The following DENND2D variants were observed in gnomAD, a reference collection of about 807,000 sequenced individuals.
DENND2D encodes the protein DENN domain-containing protein 2D.
In DENND2D, 37 loss-of-function variants were observed where a neutral mutation model predicts 59.8. The ratio of observed to expected loss-of-function variants is 0.62; its 90% CI spans 0.48 to 0.81. The LOEUF is 0.81. DENND2D is among the 40% of genes least tolerant of loss of function. The pLI is 0.00. For missense variants in DENND2D, 525 were observed against 579.7 expected, an observed-to-expected ratio of 0.91 and a Z score of 0.97; for synonymous variants, 219 against 211.3, an observed-to-expected ratio of 1.04 and a Z score of -0.31.
intron 2 of DENND2D, 57 bp from the exon 3 acceptor site, chr1:111,198,799 G>A: frequency 1.3e-6 from 2 of 1,576,272 alleles, no homozygotes; most frequent in Non-Finnish European, 1.7e-6. Flanking sequence ...GATAGCAGGA[G>A]ACAGCTTCAG....
intron 1 of DENND2D, 191 bp downstream of exon 1, chr1:111,200,202 C>T: frequency 2.9e-6 from 2 of 688,180 alleles, no homozygotes; most frequent in Non-Finnish European, 4.9e-6. Context: ...GTGACTGTGA[C>T]CACACTAGCC....
chr1:111,199,150 A>G (rs1359321747), intron 2 of DENND2D, among the ~76,000 whole-genome samples: 1 of 152,220 alleles, frequency 6.6e-6, no homozygotes, highest in African/African-American at 2.4e-5. Flanking sequence ...AAGGCTTCCC[A>G]ACCCTCTACC....
At chr1:111,203,632 G>A (rs185152779), upstream of DENND2D, among the ~76,000 whole-genome samples, 17 of 152,352 alleles carry the variant, frequency 1.1e-4, no homozygotes, top group East Asian at 3.1e-3. Flanking sequence ...CTGGACGGGG[G>A]AATTATGTCC....
upstream of DENND2D, chr1:111,204,103 CACCTGACCCTCTT>C: frequency 2.2e-6 from 1 of 448,352 alleles, no homozygotes; most frequent in South Asian, 4.9e-5. Context: ...TCCCCGCCCC[CACCTGACCCTCTT>C]CCCCTCTCCG....
upstream of DENND2D, among the ~76,000 whole-genome samples, chr1:111,201,547 T>C (rs1658801790): frequency 6.6e-6 from 1 of 152,222 alleles, no homozygotes; most frequent in African/African-American, 2.4e-5. Context: ...CCCACTGCTG[T>C]GTCTGGAGAC....
rs1231071963 is a variant in DENND2D, at chr1:111,192,275, G to A, written c.837C>T (p.Tyr279=). 1.2e-6 allele frequency: 2 copies of A among 1,613,180 alleles called. No homozygotes were observed. Among genetic ancestry groups the A allele is most frequent in the South Asian group, 2.2e-5 (2 of 90,976 alleles). ...QCIHAAAALL[Y]PFSWAHTYIP... ...TGTAGGTGTGCGCCCAGCTGAAGGG[G>A]TAGAGCAGTGCGGCAGCAGCATGGA... is the stretch of plus-strand genomic sequence containing the variant. Residue 279 remains tyrosine (Y), a synonymous_variant, in exon 8 of 12, where the codon TAC becomes TAT. Transcript: ENST00000357640.
chr1:111,195,725 T>G (rs1658164963), intron 6 of DENND2D, 191 bp downstream of exon 6: 2 of 701,816 alleles, frequency 2.8e-6, no homozygotes, highest in Non-Finnish European at 4.7e-6. Flanking sequence ...TAGGTGCTTG[T>G]GGGTATCAAG....
chr1:111,187,417 A>G lies in DENND2D; in HGVS notation c.*188T>C, dbSNP rs541563234. 1 of 598,596 alleles carries G rather than the reference A, an allele frequency of 1.7e-6. No individual in the cohort carries two copies. Among genetic ancestry groups the G allele is most frequent in the Non-Finnish European group, 3.0e-6 (1 of 335,248 alleles). 37.1% of individuals were successfully genotyped at this position (598,596 alleles called of 1,614,324 possible). A position where few individuals can be genotyped will look rare whatever the true frequency, so the allele number is the denominator to read the frequency against. ...TGTGAGCATGGTGTCAGAGCCCTCC[A>G]AAGTCCTGAGAAATCAATACCAGGG... On this transcript the variant is annotated 3_prime_UTR_variant, in exon 12 of 12. Transcript: ENST00000357640.
chr1:111,190,005 A>C (rs1193736473), intron 8 of DENND2D, among the ~76,000 whole-genome samples: 1 of 151,884 alleles, frequency 6.6e-6, no homozygotes, highest in Non-Finnish European at 1.5e-5. Context: ...TCTACTAAAA[A>C]CGCAAAAAAT....
chr1:111,197,257 G>T lies in DENND2D; in HGVS notation c.427-4C>A. The T allele has an allele frequency of 6.2e-7, 1 of 1,610,990 alleles. No individual in the cohort carries two copies. Among genetic ancestry groups the T allele is most frequent in the Non-Finnish European group, 8.5e-7 (1 of 1,178,992 alleles). On this transcript the variant is annotated splice_polypyrimidine_tract_variant and splice_region_variant and intron_variant, in intron 4 of 11. Transcript: ENST00000357640. Reference sequence around the variant, plus strand: ...GGCGAGGGCCAGGGCCGGCAGGCTGGGGAGGGACAGAGAGGCTCCTTCAGT... The same window carrying T: ...GGCGAGGGCCAGGGCCGGCAGGCTGTGGAGGGACAGAGAGGCTCCTTCAGT...
chr1:111,193,272 C>T (rs1021824842), intron 7 of DENND2D, among the ~76,000 whole-genome samples: 1 of 152,152 alleles, frequency 6.6e-6, no homozygotes, highest in Admixed American at 6.5e-5. Context: ...CCCTCCCTGT[C>T]CGAGCTTCAG....
At position 111,186,188 on chromosome 1, in the gene DENND2D, G is replaced by A. The variant is rs6537683; in HGVS notation, c.*1417C>T. On this transcript the variant is annotated 3_prime_UTR_variant, in exon 12 of 12. Transcript: ENST00000357640. ...GTCCTATCACTAGAGATGATTTGGT[G>A]TATTTGTGATGAGGCATAAGAGGAT... is the stretch of plus-strand genomic sequence containing the variant. Among the ~76,000 whole-genome samples the A allele has an allele frequency of 0.027, 4,157 of 152,232 alleles. 182 individuals carry two copies. The highest frequency in any genetic ancestry group is 0.091 in the African/African-American group (3,784 of 41,516).
chr1:111,187,071 C>CA lies in DENND2D; in HGVS notation c.*533dup, dbSNP rs1462258371. On this transcript the variant is annotated 3_prime_UTR_variant, in exon 12 of 12. Transcript: ENST00000357640. The stretch of plus-strand genomic sequence containing the variant: ...GATTCTATCACTCCAAACATATCCC[C>CA]ATGGCCAGGTCTTCCACTTGTAGTC... 1.3e-5 allele frequency: 2 copies of CA among 154,062 alleles called. No individual in the cohort carries two copies. Among genetic ancestry groups the CA allele is most frequent in the Non-Finnish European group, 2.9e-5 (2 of 69,330 alleles). The allele number at this position is 154,062 out of a possible 1,614,324, so 9.5% of individuals were successfully genotyped here.
chr1:111,188,881 C>T, intron 9 of DENND2D, 95 bp from the exon 10 acceptor site: 1 of 1,021,820 alleles, frequency 9.8e-7, no homozygotes, highest in Non-Finnish European at 1.5e-6. Context: ...ATTCTACACC[C>T]CCACTCCACC....
upstream of DENND2D, chr1:111,200,667 C>T: frequency 7.4e-7 from 1 of 1,344,402 alleles, no homozygotes; most frequent in Non-Finnish European, 9.7e-7. Flanking sequence ...AGGAAGGCAG[C>T]AGAAGCCAGC....
At chr1:111,197,582 T>A in intron 4 of DENND2D, 1 of 1,350,574 alleles carries the variant, frequency 7.4e-7, no homozygotes, top group Non-Finnish European at 9.5e-7. Flanking sequence ...GACCTAAGAT[T>A]TGAAACTAAT....
At chr1:111,203,348 C>T (rs568856115), upstream of DENND2D, among the ~76,000 whole-genome samples, 35 of 152,326 alleles carry the variant, frequency 2.3e-4, no homozygotes, top group African/African-American at 7.9e-4. Context: ...CTCACTTGGC[C>T]TCCTGGCGTG....
At chr1:111,195,278 T>C (rs1195037692) in intron 6 of DENND2D, 1 of 155,026 alleles carries the variant, frequency 6.5e-6, no homozygotes, top group East Asian at 1.9e-4. Context: ...CACCACTGTA[T>C]TCCCAGAAAA....
At chr1:111,201,478 C>T (rs1351879479), upstream of DENND2D, 2 of 152,446 alleles carry the variant, frequency 1.3e-5, no homozygotes, top group East Asian at 3.8e-4. Flanking sequence ...GCCTGCTCAG[C>T]CTTCCTCCGG....
Sources: gnomAD v4.1 joint callset for allele counts (sites outside exome capture counted in the v4.1 genomes callset) on GRCh38, gnomAD v4.1.1 for gene constraint, MANE v1.5 for transcripts, NCBI Gene and HGNC (gene_info 2026-07-23, HGNC 2026-07-21) for gene names.